FARS2: variants seen among roughly 807,000 people sequenced by gnomAD.
FARS2 encodes the protein phenylalanyl-tRNA synthetase 2, mitochondrial.
In FARS2, 40 loss-of-function variants were observed where a neutral mutation model predicts 46.4. The observed-to-expected ratio is 0.86, with a 90% confidence interval of 0.67 to 1.12. The LOEUF (loss-of-function observed/expected upper bound fraction) is 1.12, where lower values mean the gene tolerates loss of function less well. FARS2 is among the 50% of genes most tolerant of loss of function. The probability of loss-of-function intolerance (pLI) is 0.00; values close to 1 mark genes in which losing one functional copy is unlikely to be tolerated. For missense variants in FARS2, 513 were observed against 567.9 expected (o/e 0.90, Z 0.98); for synonymous variants, 234 against 214.9 (o/e 1.09, Z -0.78).
At chr6:5,330,348 C>G (rs920817591) in intron 1 of FARS2, among the ~76,000 whole-genome samples, 2 of 152,128 alleles carry the variant, frequency 1.3e-5, no homozygotes, top group African/African-American at 4.8e-5. Context: ...TCTCTGAGAC[C>G]TACTTCGCCA....
At chr6:5,570,953 A>G (rs143498239) in intron 5 of FARS2, among the ~76,000 whole-genome samples, 1 of 152,324 alleles carries the variant, frequency 6.6e-6, no homozygotes, top group African/African-American at 2.4e-5. Flanking sequence ...TCCATTTATC[A>G]TCTCATCCTG....
At chr6:5,766,464 C>A (rs951213992) in intron 6 of FARS2, among the ~76,000 whole-genome samples, 4 of 152,258 alleles carry the variant, frequency 2.6e-5, no homozygotes, top group African/African-American at 9.6e-5. Context: ...TCCAGCTGTG[C>A]CCTCTGTTGG....
chr6:5,659,632 A>G (rs10484315), intron 6 of FARS2, among the ~76,000 whole-genome samples: 7,588 of 152,194 alleles, frequency 0.05, 509 homozygotes, highest in African/African-American at 0.15. Flanking sequence ...TAAGTCATTC[A>G]TCAAAAACCA....
intron 1 of FARS2, among the ~76,000 whole-genome samples, chr6:5,294,625 GT>G (rs1242728209): frequency 6.6e-6 from 1 of 152,158 alleles, no homozygotes; most frequent in Non-Finnish European, 1.5e-5. Flanking sequence ...TCCTCTTTGG[GT>G]GTGGTTAATT....
At chr6:5,540,906 G>A (rs1004035871) in intron 4 of FARS2, among the ~76,000 whole-genome samples, 1 of 152,180 alleles carries the variant, frequency 6.6e-6, no homozygotes, top group African/African-American at 2.4e-5. Context: ...ATTATGACAA[G>A]GACATATGAT....
chr6:5,626,464 G>A (rs185952114), intron 6 of FARS2, among the ~76,000 whole-genome samples: 6 of 152,240 alleles, frequency 3.9e-5, no homozygotes, highest in Admixed American at 3.9e-4. Flanking sequence ...TGAGGCTTTG[G>A]GGCCATCATG....
rs557010537 is a variant in FARS2 at position 5,311,298 on chromosome 6, A to T, written c.-22+49638A>T. Among the ~76,000 whole-genome samples, 1 of 152,334 alleles carries T rather than the reference A, an allele frequency of 6.6e-6. No individual in the cohort carries two copies. The highest frequency in any genetic ancestry group is 1.9e-4 in the East Asian group (1 of 5,186). On this transcript the variant is annotated intron_variant, in intron 1 of 6. Transcript: ENST00000274680. The surrounding 1 kb of genome is among the most constrained non-coding windows in gnomAD (Gnocchi z 4.1). ...TATGTTTTACTGATAGATTAAATAG[A>T]TGCTGCAGGGGTTCCCTCAACCCCT...
intron 2 of FARS2, among the ~76,000 whole-genome samples, chr6:5,403,952 A>G (rs533352645): frequency 3.6e-4 from 55 of 152,280 alleles, no homozygotes; most frequent in African/African-American, 1.2e-3. Flanking sequence ...TGTATTTTTT[A>G]TATATTATTT....
chr6:5,386,210 C>T (rs1760124584), intron 2 of FARS2, among the ~76,000 whole-genome samples: 1 of 152,034 alleles, frequency 6.6e-6, no homozygotes, highest in Admixed American at 6.6e-5. Context: ...GAAGAAGGGG[C>T]ACTGTGTTTC....
rs142321338 is a variant in FARS2 at position 5,495,578 on chromosome 6, A to C, written c.905-49602A>C. ...AAGGGAAAATGGAAGCTTGCAACTC[A>C]GGCTAAGGAGTTCCTAATGGAACAT... On this transcript the variant is annotated intron_variant, in intron 4 of 6. Transcript: ENST00000274680. Among the ~76,000 whole-genome samples, 689 of 152,362 alleles carry C rather than the reference A, an allele frequency of 4.5e-3. 10 individuals are homozygous for C. Among genetic ancestry groups the C allele is most frequent in the African/African-American group, 0.016 (657 of 41,588 alleles).
intron 6 of FARS2, among the ~76,000 whole-genome samples, chr6:5,707,799 C>A (rs1023564682): frequency 1.3e-5 from 2 of 152,212 alleles, no homozygotes; most frequent in African/African-American, 4.8e-5. Flanking sequence ...CCATCTTGTC[C>A]CTGGGTAGCC....
At chr6:5,481,226 C>T (rs1387206912) in intron 4 of FARS2, among the ~76,000 whole-genome samples, 1 of 152,196 alleles carries the variant, frequency 6.6e-6, no homozygotes, top group South Asian at 2.1e-4. Context: ...TCCGTGTGTT[C>T]CTGCCCAGGC....
chr6:5,730,851 G>A (rs1008725195), intron 6 of FARS2, among the ~76,000 whole-genome samples: 2 of 152,046 alleles, frequency 1.3e-5, no homozygotes, highest in Non-Finnish European at 2.9e-5. Context: ...AGCTTTATAC[G>A]GATTAACTCC....
chr6:5,506,862 G>C (rs558723532), intron 4 of FARS2, among the ~76,000 whole-genome samples: 1 of 152,216 alleles, frequency 6.6e-6, no homozygotes, highest in Non-Finnish European at 1.5e-5. Flanking sequence ...TAAATCTTCA[G>C]TGTTGCTCTT....
chr6:5,310,717 C>G (rs948943773), intron 1 of FARS2, among the ~76,000 whole-genome samples: 2 of 152,190 alleles, frequency 1.3e-5, no homozygotes, highest in East Asian at 1.9e-4. Flanking sequence ...AAAAAGTAAT[C>G]TAAGCACTCA....
At chr6:5,502,946 T>C (rs1305126074) in intron 4 of FARS2, among the ~76,000 whole-genome samples, 2 of 152,148 alleles carry the variant, frequency 1.3e-5, no homozygotes, top group Non-Finnish European at 2.9e-5. Flanking sequence ...GGAATGCTTT[T>C]GGAAGTTCAT....
At chr6:5,537,184 C>G (rs1770258416) in intron 4 of FARS2, among the ~76,000 whole-genome samples, 1 of 152,154 alleles carries the variant, frequency 6.6e-6, no homozygotes, top group Non-Finnish European at 1.5e-5. Context: ...AGCTCTTTCT[C>G]CAGTTTTGAA....
chr6:5,518,297 G>C (rs12193006), intron 4 of FARS2, among the ~76,000 whole-genome samples: 33,252 of 152,174 alleles, frequency 0.22, 4,989 homozygotes, highest in Non-Finnish European at 0.32. Flanking sequence ...CAGGTGGGCA[G>C]TTGTGTCACA....
chr6:5,459,317 G>A (rs1030742566), intron 4 of FARS2, among the ~76,000 whole-genome samples: 6 of 152,060 alleles, frequency 3.9e-5, no homozygotes, highest in East Asian at 1.9e-4. Flanking sequence ...GACAGAGTTC[G>A]TTGTTAGTGG....
Sources: gnomAD v4.1 joint callset for allele counts (sites outside exome capture counted in the v4.1 genomes callset) on GRCh38, gnomAD v4.1.1 for gene constraint, Gnocchi (gnomAD v3.1) non-coding constraint, MANE v1.5 for transcripts, NCBI Gene and HGNC (gene_info 2026-07-23, HGNC 2026-07-21) for gene names.